Variants in AGO1 observed in about 807,000 individuals in gnomAD.
AGO1 encodes argonaute RISC component 1.
AGO1 carries 11 observed loss-of-function variants against 109.2 expected under a neutral mutation model. The observed-to-expected ratio is 0.10, with a 90% CI of 0.06 to 0.17. AGO1 has a LOEUF of 0.17. Ranked by LOEUF, AGO1 falls within the 10% of genes least tolerant of loss-of-function variation. The pLI is 1.00. For synonymous variants in AGO1, 422 were observed against 418.6 expected (o/e 1.01, Z -0.10); for missense variants, 574 against 1,140.3 (o/e 0.50, Z 7.15).
rs1168233985 is a variant in AGO1 at position 35,901,584 on chromosome 1, C to A, written c.1131C>A (p.Ile377=). 1.2e-6 allele frequency: 2 copies of A among 1,614,128 alleles called. No individual in the cohort carries two copies. Among genetic ancestry groups the A allele is most frequent in the South Asian group, 2.2e-5 (2 of 91,064 alleles). ...CCGCTCCAGACAGACAGGAGGAGAT[C>A]AGTCGCCTGGTCAGTGGGCCTACTC... ...ARSAPDRQEE[I]SRLMKNASYN... Residue 377 remains isoleucine (I), a synonymous_variant, in exon 9 of 19, where the codon ATC becomes ATA. Transcript: ENST00000373204. This position sits in a 1 kb window ranked among gnomAD's most constrained non-coding sequence, Gnocchi z 4.8.
chr1:35,918,614 T>C (rs654688), intron 17 of AGO1, among the ~76,000 whole-genome samples, 191 bp downstream of exon 17: 36,324 of 152,162 alleles, frequency 0.24, 7,166 homozygotes, highest in East Asian at 0.7. Context: ...GTGGCACAAT[T>C]TCAGCTAACT....
intron 12 of AGO1, among the ~76,000 whole-genome samples, chr1:35,913,121 G>A (rs1384656920): frequency 2.6e-5 from 4 of 151,376 alleles, no homozygotes; most frequent in Non-Finnish European, 4.4e-5. Flanking sequence ...CCGGGTTCAC[G>A]CCATTCTCCT....
Position 35,893,206 on chromosome 1 carries a change from G to A in AGO1, c.440G>A (p.Ser147Asn). 6.2e-7 allele frequency: 1 copy of A among 1,614,146 alleles called. No individual in the cohort carries two copies. Among genetic ancestry groups the A allele is most frequent in the African/African-American group, 1.3e-5 (1 of 75,022 alleles). ...SWRMLHEALV[S>N]GQIPVPLESV... ...CGAATGCTGCATGAGGCCCTGGTCA[G>A]CGGCCAGATCCCTGTTCCCTTGGAG... Residue 147 changes from serine to asparagine, a missense_variant, in exon 4 of 19, where the codon AGC becomes AAC. Ser to Asn is a conservative substitution (Grantham distance 46, BLOSUM62 1). Around this residue, in one of 8 missense-constraint regions of AGO1, gnomAD observed 129 missense variants for 243.0 expected, o/e 0.53. Coordinates refer to ENST00000373204, the MANE Select transcript of AGO1 (RefSeq NM_012199.5). The surrounding 1 kb of genome is among the most constrained non-coding windows in gnomAD (Gnocchi z 5.6).
rs1232464621 is a variant in AGO1 at position 35,928,566 on chromosome 1, A to T, written c.*8959A>T. ...CCCAAAGTGCTGGAATTACAGGCAT[A>T]AGCCACAAGCCACTGGGCCCAGCCT... On this transcript the variant is annotated 3_prime_UTR_variant, in exon 19 of 19. Transcript: ENST00000373204. 1 of 149,786 alleles carries T rather than the reference A, an allele frequency of 6.7e-6. No homozygotes were observed. The allele number at this position is 149,786 out of a possible 1,614,324, so 9.3% of individuals were successfully genotyped here. A position where few individuals can be genotyped will look rare whatever the true frequency, so the allele number is the denominator to read the frequency against.
chr1:35,886,465 T>C (rs535583464), intron 1 of AGO1, among the ~76,000 whole-genome samples: 2 of 152,258 alleles, frequency 1.3e-5, no homozygotes, highest in Admixed American at 1.3e-4. Context: ...TCTAAGGCTA[T>C]GTGTGGTATG....
chr1:35,897,155 C>T (rs1226420491), intron 8 of AGO1, among the ~76,000 whole-genome samples: 8 of 152,076 alleles, frequency 5.3e-5, no homozygotes, highest in East Asian at 3.9e-4. Flanking sequence ...TTGATAAACA[C>T]GTAAAGTAGT....
intron 7 of AGO1, 118 bp downstream of exon 7, chr1:35,894,520 C>T (rs1447614460): frequency 9.8e-7 from 1 of 1,019,620 alleles, no homozygotes; most frequent in Non-Finnish European, 1.5e-6. Context: ...GGGACTGGCC[C>T]TGTTTTTGAA....
At chr1:35,905,260 A>T (rs1282900310) in intron 11 of AGO1, among the ~76,000 whole-genome samples, 1 of 152,226 alleles carries the variant, frequency 6.6e-6, no homozygotes, top group African/African-American at 2.4e-5. Context: ...AATGGAAAAC[A>T]TACTATTAAT....
chr1:35,901,347 T>G lies in AGO1; in HGVS notation c.1021-127T>G. The G allele has an allele frequency of 8.6e-7, 1 of 1,158,502 alleles. No individual in the cohort carries two copies. The highest frequency in any genetic ancestry group is 1.3e-6 in the Non-Finnish European group (1 of 799,542). 71.8% of individuals were successfully genotyped at this position (1,158,502 alleles called of 1,614,324 possible). A position where few individuals can be genotyped will look rare whatever the true frequency, so the allele number is the denominator to read the frequency against. Reference sequence around the variant, plus strand: ...GATACTCAGGAGGAGAATACATGTATGCACAACGGATTTTGCAGTTCCCTT... The same window carrying G: ...GATACTCAGGAGGAGAATACATGTAGGCACAACGGATTTTGCAGTTCCCTT... On this transcript the variant is annotated intron_variant, in intron 8 of 18. Coordinates refer to ENST00000373204, the MANE Select transcript of AGO1 (RefSeq NM_012199.5). This position sits in a 1 kb window ranked among gnomAD's most constrained non-coding sequence, Gnocchi z 4.8.
intron 11 of AGO1, among the ~76,000 whole-genome samples, chr1:35,903,271 G>C (rs2148716531): frequency 6.6e-6 from 1 of 151,184 alleles, no homozygotes; most frequent in South Asian, 2.1e-4. Context: ...CTCCCAAAGT[G>C]CTGGGATTAT....
intron 12 of AGO1, among the ~76,000 whole-genome samples, chr1:35,910,388 T>C (rs1245711529): frequency 6.6e-6 from 1 of 151,850 alleles, no homozygotes; most frequent in Non-Finnish European, 1.5e-5. Flanking sequence ...TAAACTGATA[T>C]TATTGTTTTT....
rs1645847063 is a variant in AGO1 at position 35,922,304 on chromosome 1, AAAG to A, written c.*2699_*2701del. On this transcript the variant is annotated 3_prime_UTR_variant, in exon 19 of 19. Coordinates refer to ENST00000373204, the MANE Select transcript of AGO1 (RefSeq NM_012199.5). ...AGTTCTTACTCTGATTTTTTTGTAA[AAAG>A]ATAATTTTTGAGACTTGAAAAATAC... 6.6e-6 allele frequency: 1 copy of A among 152,582 alleles called. No homozygotes were observed. Among genetic ancestry groups the A allele is most frequent in the African/African-American group, 2.4e-5 (1 of 41,450 alleles). 9.5% of individuals were successfully genotyped at this position (152,582 alleles called of 1,614,324 possible). A position where few individuals can be genotyped will look rare whatever the true frequency, so the allele number is the denominator to read the frequency against.
chr1:35,894,250 G>C, intron 6 of AGO1, 65 bp from the exon 7 acceptor site: 1 of 1,602,828 alleles, frequency 6.2e-7, no homozygotes, highest in Non-Finnish European at 8.5e-7. Flanking sequence ...ATGCTCAGGG[G>C]AGAGACCAAG....
At position 35,926,963 on chromosome 1, in the gene AGO1, T is replaced by G. The variant is rs915821854; in HGVS notation, c.*7356T>G. 1 of 139,946 alleles carries G rather than the reference T, an allele frequency of 7.1e-6. No individual in the cohort carries two copies. The highest frequency in any genetic ancestry group is 1.5e-5 in the Non-Finnish European group (1 of 66,328). 8.7% of individuals were successfully genotyped at this position (139,946 alleles called of 1,614,324 possible). ...TTTGGGGTTTTTTTTTTTTTTTTTT[T>G]GGACAAAGTATAATAATATTGAGGG... On this transcript the variant is annotated 3_prime_UTR_variant, in exon 19 of 19. Coordinates refer to ENST00000373204, the MANE Select transcript of AGO1 (RefSeq NM_012199.5).
In AGO1 at chr1:35,901,429, G is replaced by T; in HGVS notation, c.1021-45G>T. 6 of 1,612,340 alleles carry T rather than the reference G, an allele frequency of 3.7e-6. No individual in the cohort carries two copies. The highest frequency in any genetic ancestry group is 5.1e-6 in the Non-Finnish European group (6 of 1,178,960). On this transcript the variant is annotated intron_variant, in intron 8 of 18. Coordinates refer to ENST00000373204, the MANE Select transcript of AGO1 (RefSeq NM_012199.5). This position sits in a 1 kb window ranked among gnomAD's most constrained non-coding sequence, Gnocchi z 4.8. Reference sequence around the variant, plus strand: ...TATTGTGGGGCTCTGGGTACAGGGTGGACTGTACTCAAGCCAGAGCTACCT... The same window carrying T: ...TATTGTGGGGCTCTGGGTACAGGGTTGACTGTACTCAAGCCAGAGCTACCT...
At chr1:35,907,711 T>TC (rs1173980382) in intron 12 of AGO1, among the ~76,000 whole-genome samples, 1 of 152,196 alleles carries the variant, frequency 6.6e-6, no homozygotes, top group Non-Finnish European at 1.5e-5. Flanking sequence ...TCCCAACCCA[T>TC]CCTGCTACCT....
rs1430789462 is a variant in AGO1 at position 35,888,634 on chromosome 1, C to G, written c.209+24C>G. 1.2e-6 allele frequency: 2 copies of G among 1,611,076 alleles called. No individual in the cohort carries two copies. Among genetic ancestry groups the G allele is most frequent in the South Asian group, 2.2e-5 (2 of 90,900 alleles). ...CGGTAAGTGATGCACACCTAAGCCACCAAATCTGAAAGACACCAACCTTGA... is the reference window on the plus strand; with the variant it reads ...CGGTAAGTGATGCACACCTAAGCCAGCAAATCTGAAAGACACCAACCTTGA... On this transcript the variant is annotated intron_variant, in intron 2 of 18. Transcript: ENST00000373204. This position sits in a 1 kb window ranked among gnomAD's most constrained non-coding sequence, Gnocchi z 4.1.
In AGO1 at chr1:35,915,250, C is replaced by T. The variant is rs1192144567; in HGVS notation, c.1834-98C>T. On this transcript the variant is annotated intron_variant, in intron 14 of 18. Coordinates refer to ENST00000373204, the MANE Select transcript of AGO1 (RefSeq NM_012199.5). ...CACTGAGTCTCAAGCCCTAGTCATT[C>T]AGTTGTAGTTTTCTTGCTAAGAAGC... 3.4e-5 allele frequency: 34 copies of T among 1,014,750 alleles called. 1 individual carries two copies. In the South Asian group the frequency reaches 4.6e-4, roughly 14 times the overall value. The allele number at this position is 1,014,750 out of a possible 1,614,324, so 62.9% of individuals were successfully genotyped here.
rs1160009884 is a variant in AGO1 at position 35,917,573 on chromosome 1, C to T, written c.2029-20C>T. ...GAACTGTGTATTTCTTTGTTTCCCT[C>T]CCCATTTTTTTGTGCCTAGATACTC... is the stretch of plus-strand genomic sequence containing the variant. On this transcript the variant is annotated intron_variant, in intron 15 of 18. Coordinates refer to ENST00000373204, the MANE Select transcript of AGO1 (RefSeq NM_012199.5). The T allele has an allele frequency of 1.2e-6, 2 of 1,601,196 alleles. No homozygotes were observed. The highest frequency in any genetic ancestry group is 1.7e-5 in the Admixed American group (1 of 59,746).
Sources: allele counts gnomAD v4.1 joint callset (sites outside exome capture counted in the v4.1 genomes callset), GRCh38; gene constraint gnomAD v4.1.1; regional missense constraint gnomAD v4.1.1; non-coding constraint Gnocchi (gnomAD v3.1); transcripts MANE v1.5; gene names NCBI Gene and HGNC (gene_info 2026-07-23, HGNC 2026-07-21).